Variants in BCAS3 observed in about 807,000 individuals in gnomAD.
The protein encoded by BCAS3 is BCAS3 microtubule associated cell migration factor.
A neutral mutation model predicts 116.1 loss-of-function variants in BCAS3; 53 were observed. The ratio of observed to expected loss-of-function variants is 0.46; its 90% CI spans 0.37 to 0.57. The LOEUF (loss-of-function observed/expected upper bound fraction) is 0.57, where lower values mean the gene tolerates loss of function less well. Ranked by LOEUF, BCAS3 falls within the 20% of genes least tolerant of loss-of-function variation. The pLI is 0.00. For missense variants in BCAS3, 917 were observed against 1,165.4 expected, an observed-to-expected ratio of 0.79 and a Z score of 3.10; for synonymous variants, 391 against 408.2, an observed-to-expected ratio of 0.96 and a Z score of 0.51.
intron 22 of BCAS3, chr17:61,086,976 A>G (rs2073143563): frequency 1.0e-6 from 1 of 985,368 alleles, no homozygotes; most frequent in Non-Finnish European, 1.2e-6. Flanking sequence ...TACTTTCTAC[A>G]TCTGTGGAAA....
At chr17:61,319,960 G>A (rs1013462888) in intron 22 of BCAS3, among the ~76,000 whole-genome samples, 14 of 147,006 alleles carry the variant, frequency 9.5e-5, no homozygotes, top group East Asian at 4.0e-4. Context: ...GCACAGTCTC[G>A]GCTCACTGCA....
chr17:60,681,904 T>G (rs1219877252), intron 2 of BCAS3, among the ~76,000 whole-genome samples: 2 of 152,004 alleles, frequency 1.3e-5, no homozygotes, highest in African/African-American at 4.8e-5. Flanking sequence ...TAATTTTGTA[T>G]TTTTTAGTAG....
In BCAS3 at chr17:61,339,052, G is replaced by A. The variant is rs868161223; in HGVS notation, c.2426-29275G>A. ...TTTGGGAAAAAAAAAAATTCACAAAGACCCATCTGCCTCTCCCATTTTCTC... is the reference window on the plus strand; with the variant it reads ...TTTGGGAAAAAAAAAAATTCACAAAAACCCATCTGCCTCTCCCATTTTCTC... On this transcript the variant is annotated intron_variant, in intron 22 of 23. Transcript: ENST00000407086. The surrounding 1 kb of genome is among the most constrained non-coding windows in gnomAD (Gnocchi z 4.4). 6.6e-6 allele frequency among the ~76,000 whole-genome samples: 1 copy of A among 151,736 alleles called. No individual in the cohort carries two copies. Among genetic ancestry groups the A allele is most frequent in the Non-Finnish European group, 1.5e-5 (1 of 67,968 alleles).
intron 22 of BCAS3, among the ~76,000 whole-genome samples, chr17:61,137,393 C>T (rs2076700410): frequency 6.6e-6 from 1 of 152,198 alleles, no homozygotes; most frequent in Non-Finnish European, 1.5e-5. Context: ...GAATACAATG[C>T]ATATACCTAC....
In BCAS3 at chr17:61,286,522, A is replaced by G. The variant is rs2051804152; in HGVS notation, c.2426-81805A>G. 6.6e-6 allele frequency among the ~76,000 whole-genome samples: 1 copy of G among 152,138 alleles called. No homozygotes were observed. The highest frequency in any genetic ancestry group is 6.5e-5 in the Admixed American group (1 of 15,274). ...GGGTTTCTCCAGATTTTCTCACGTTAGCATGCTGCTGCTTGGTGCACGACC... is the reference window on the plus strand; with the variant it reads ...GGGTTTCTCCAGATTTTCTCACGTTGGCATGCTGCTGCTTGGTGCACGACC... On this transcript the variant is annotated intron_variant, in intron 22 of 23. Transcript: ENST00000407086. This position sits in a 1 kb window ranked among gnomAD's most constrained non-coding sequence, Gnocchi z 4.8.
intron 2 of BCAS3, among the ~76,000 whole-genome samples, chr17:60,682,829 G>T (rs1177257820): frequency 6.6e-6 from 1 of 152,132 alleles, no homozygotes; most frequent in Non-Finnish European, 1.5e-5. Flanking sequence ...GCCTAAAATA[G>T]TATTTTGAAG....
intron 6 of BCAS3, among the ~76,000 whole-genome samples, chr17:60,778,211 A>G (rs2045487110): frequency 1.3e-5 from 2 of 151,646 alleles, no homozygotes; most frequent in Admixed American, 1.3e-4. Context: ...TTCATGTCAT[A>G]TCTGAGAACT....
At chr17:60,715,207 C>T (rs541591799) in intron 5 of BCAS3, among the ~76,000 whole-genome samples, 3 of 147,954 alleles carry the variant, frequency 2.0e-5, no homozygotes, top group African/African-American at 7.5e-5. Context: ...GATCCTGGCT[C>T]ACTGCAGCCT....
chr17:60,757,394 A>ATGTG (rs61645091), intron 6 of BCAS3, among the ~76,000 whole-genome samples: 8,532 of 136,532 alleles, frequency 0.062, 329 homozygotes, highest in African/African-American at 0.12. Context: ...CAGCATGTAT[A>ATGTG]TGTGTGTGTG....
intron 12 of BCAS3, among the ~76,000 whole-genome samples, chr17:60,916,282 T>A (rs2058776035): frequency 6.6e-6 from 1 of 152,214 alleles, no homozygotes; most frequent in Non-Finnish European, 1.5e-5. Flanking sequence ...ACAGCAGATT[T>A]CCCAACTGAA....
rs186946952 is a variant in BCAS3, at chr17:61,042,746, C to T, written c.2029+1854C>T. ...CTACTAAAAATACGAAAAAATTAGCCGGGTGTGGTGGTGCATGCCTGTAAT... is the reference window on the plus strand; with the variant it reads ...CTACTAAAAATACGAAAAAATTAGCTGGGTGTGGTGGTGCATGCCTGTAAT... On this transcript the variant is annotated intron_variant, in intron 19 of 23. Coordinates refer to ENST00000407086, the MANE Select transcript of BCAS3 (RefSeq NM_017679.5). 1.5e-3 allele frequency among the ~76,000 whole-genome samples: 221 copies of T among 150,980 alleles called. 2 individuals carry two copies. The highest frequency in any genetic ancestry group is 4.6e-3 in the African/African-American group (190 of 41,174).
intron 6 of BCAS3, among the ~76,000 whole-genome samples, chr17:60,793,867 C>A (rs2046987524): frequency 6.6e-6 from 1 of 152,086 alleles, no homozygotes; most frequent in African/African-American, 2.4e-5. Context: ...CTGCTATAAA[C>A]ATGTGTGTGT....
intron 14 of BCAS3, among the ~76,000 whole-genome samples, chr17:60,951,914 G>A (rs528054075): frequency 2.0e-5 from 3 of 151,880 alleles, no homozygotes; most frequent in African/African-American, 7.2e-5. Flanking sequence ...TGGGACTATA[G>A]GCACCCGCCA....
intron 2 of BCAS3, among the ~76,000 whole-genome samples, chr17:60,680,036 A>C (rs994146785): frequency 2.0e-5 from 3 of 149,782 alleles, no homozygotes; most frequent in Non-Finnish European, 3.0e-5. Flanking sequence ...CGGGAGGCTG[A>C]GTCAGGAGAA....
rs2076143797 is a variant in BCAS3 at position 61,128,182 on chromosome 17, C to G, written c.2425+43618C>G. ...CTCAATCTGGTTTTCTTTTAGGAAG[C>G]CTTCCACCAGGAATAGTGTGAGTCA... On this transcript the variant is annotated intron_variant, in intron 22 of 23. Coordinates refer to ENST00000407086, the MANE Select transcript of BCAS3 (RefSeq NM_017679.5). The surrounding 1 kb of genome is among the most constrained non-coding windows in gnomAD (Gnocchi z 4.1). 2.0e-6 allele frequency: 2 copies of G among 985,260 alleles called. No homozygotes were observed. The highest frequency in any genetic ancestry group is 4.7e-5 in the South Asian group (1 of 21,296). 61.0% of individuals were successfully genotyped at this position (985,260 alleles called of 1,614,324 possible).
At chr17:61,164,317 A>G (rs1230606875) in intron 22 of BCAS3, among the ~76,000 whole-genome samples, 1 of 152,148 alleles carries the variant, frequency 6.6e-6, no homozygotes, top group Non-Finnish European at 1.5e-5. Flanking sequence ...TGTGTTGGAA[A>G]TGTAATCTCC....
chr17:60,749,449 C>T (rs1020231098), intron 6 of BCAS3, among the ~76,000 whole-genome samples: 2 of 152,078 alleles, frequency 1.3e-5, no homozygotes, highest in African/African-American at 2.4e-5. Context: ...TTTCCTGGAC[C>T]GTTTTAATTT....
intron 6 of BCAS3, among the ~76,000 whole-genome samples, chr17:60,772,107 T>G (rs922154425): frequency 3.3e-5 from 5 of 152,224 alleles, no homozygotes; most frequent in Non-Finnish European, 7.3e-5. Context: ...TATTTCTAGT[T>G]CTAGATCCTT....
At chr17:60,784,259 T>C (rs1249266302) in intron 6 of BCAS3, among the ~76,000 whole-genome samples, 1 of 151,110 alleles carries the variant, frequency 6.6e-6, no homozygotes, top group East Asian at 1.9e-4. Flanking sequence ...AAATACTTAG[T>C]GATGATGGCG....
Sources: allele counts gnomAD v4.1 joint callset (sites outside exome capture counted in the v4.1 genomes callset), GRCh38; gene constraint gnomAD v4.1.1; non-coding constraint Gnocchi (gnomAD v3.1); transcripts MANE v1.5; gene names NCBI Gene and HGNC (gene_info 2026-07-23, HGNC 2026-07-21).